The following ENOX1 variants were observed in gnomAD, a reference collection of about 807,000 sequenced individuals.
ENOX1 encodes candidate growth-related and time keeping constitutive hydroquinone (NADH) oxidase.
Under a neutral mutation model 82.5 loss-of-function variants are expected in ENOX1, and 42 were observed. That is an observed-to-expected ratio of 0.51 (90% CI 0.40 to 0.66). ENOX1 has a LOEUF of 0.66. Ranked by LOEUF, ENOX1 falls within the 30% of genes least tolerant of loss-of-function variation. ENOX1 has a pLI of 0.00. For synonymous variants in ENOX1, 271 were observed against 282.2 expected (o/e 0.96, Z 0.40); for missense variants, 608 against 811.6 (o/e 0.75, Z 3.05).
chr13:43,371,627 T>G (rs2051251081), intron 5 of ENOX1, among the ~76,000 whole-genome samples: 2 of 152,240 alleles, frequency 1.3e-5, no homozygotes, highest in African/African-American at 4.8e-5. Context: ...CAAAGGCATG[T>G]GAGAGATAGG....
intron 12 of ENOX1, among the ~76,000 whole-genome samples, chr13:43,279,293 T>A (rs185018867): frequency 1.8e-4 from 27 of 152,286 alleles, no homozygotes; most frequent in African/African-American, 6.5e-4. Context: ...AAAATGAAGC[T>A]GCATGTCGGC....
chr13:43,252,524 A>C (rs2043516494), intron 14 of ENOX1, among the ~76,000 whole-genome samples: 1 of 152,204 alleles, frequency 6.6e-6, no homozygotes, highest in Non-Finnish European at 1.5e-5. Flanking sequence ...TCTTTCGATA[A>C]AAACATAATT....
At chr13:43,222,049 G>A (rs1163589415) in intron 16 of ENOX1, among the ~76,000 whole-genome samples, 1 of 152,170 alleles carries the variant, frequency 6.6e-6, no homozygotes, top group Non-Finnish European at 1.5e-5. Flanking sequence ...TTCAGAAGAT[G>A]GAGAGCTATC....
chr13:43,358,566 T>C (rs1486796245), intron 7 of ENOX1, among the ~76,000 whole-genome samples: 1 of 152,138 alleles, frequency 6.6e-6, no homozygotes, highest in Non-Finnish European at 1.5e-5. Context: ...GATAGAAAAA[T>C]CCGTCCTTCT....
At chr13:43,595,501 C>A (rs2081428729) in intron 2 of ENOX1, among the ~76,000 whole-genome samples, 1 of 152,116 alleles carries the variant, frequency 6.6e-6, no homozygotes, top group African/African-American at 2.4e-5. Context: ...TCGTTGTTCT[C>A]CATACAGATT....
intron 1 of ENOX1, among the ~76,000 whole-genome samples, chr13:43,717,264 C>T (rs1460399391): frequency 1.3e-5 from 2 of 152,122 alleles, no homozygotes; most frequent in African/African-American, 4.8e-5. Flanking sequence ...TGATCTTCAA[C>T]AAAATCAAAA....
chr13:43,256,383 A>G (rs2043746515), intron 14 of ENOX1, among the ~76,000 whole-genome samples: 1 of 152,208 alleles, frequency 6.6e-6, no homozygotes, highest in Non-Finnish European at 1.5e-5. Context: ...AGAATGGGAG[A>G]AAATATTTGC....
chr13:43,416,258 G>A (rs2054533360), intron 3 of ENOX1, among the ~76,000 whole-genome samples: 3 of 135,954 alleles, frequency 2.2e-5, no homozygotes, highest in African/African-American at 2.8e-5. Context: ...GGGCAGAGGT[G>A]CTCCCCATCT....
chr13:43,306,171 G>A (rs1408598584), intron 11 of ENOX1, among the ~76,000 whole-genome samples: 1 of 152,178 alleles, frequency 6.6e-6, no homozygotes, highest in Non-Finnish European at 1.5e-5. Flanking sequence ...TTGAAAAGCT[G>A]AAGGAAAGCA....
intron 2 of ENOX1, among the ~76,000 whole-genome samples, chr13:43,486,276 C>T (rs868543678): frequency 2.6e-5 from 4 of 151,840 alleles, no homozygotes; most frequent in Admixed American, 6.6e-5. Flanking sequence ...CCTGGCTACT[C>T]GGGAGGCTGA....
intron 2 of ENOX1, among the ~76,000 whole-genome samples, chr13:43,521,463 T>C (rs2077765702): frequency 6.6e-6 from 1 of 152,192 alleles, no homozygotes; most frequent in Non-Finnish European, 1.5e-5. Flanking sequence ...ATTCCCGCTC[T>C]CATCAAGGGG....
At chr13:43,244,073 C>G (rs1012476811) in intron 14 of ENOX1, among the ~76,000 whole-genome samples, 5 of 151,322 alleles carry the variant, frequency 3.3e-5, no homozygotes, top group Admixed American at 1.3e-4. Flanking sequence ...GTAATCACAT[C>G]TAAGCAAGTG....
intron 2 of ENOX1, among the ~76,000 whole-genome samples, chr13:43,652,579 GACT>G (rs2084244389): frequency 6.6e-6 from 1 of 152,184 alleles, no homozygotes; most frequent in Non-Finnish European, 1.5e-5. Context: ...GGAGGAGGGT[GACT>G]AAGTCATGAA....
At chr13:43,473,226 T>C (rs555779355) in intron 3 of ENOX1, among the ~76,000 whole-genome samples, 2 of 152,326 alleles carry the variant, frequency 1.3e-5, no homozygotes, top group East Asian at 1.9e-4. Context: ...CTTTGGCTTG[T>C]TGAATATATA....
intron 2 of ENOX1, among the ~76,000 whole-genome samples, chr13:43,630,512 G>A (rs2083159608): frequency 6.6e-6 from 1 of 151,986 alleles, no homozygotes; most frequent in Non-Finnish European, 1.5e-5. Context: ...TCCCCAGAAG[G>A]GTTTTTGTTG....
chr13:43,713,645 G>A (rs1209784683), intron 1 of ENOX1, among the ~76,000 whole-genome samples: 2 of 152,116 alleles, frequency 1.3e-5, no homozygotes, highest in African/African-American at 4.8e-5. Flanking sequence ...GTCTTGGGAG[G>A]GTGTATTTGT....
At chr13:43,610,689 T>C (rs2082162548) in intron 2 of ENOX1, among the ~76,000 whole-genome samples, 1 of 152,076 alleles carries the variant, frequency 6.6e-6, no homozygotes, top group Non-Finnish European at 1.5e-5. Context: ...GGTTACAAAG[T>C]TACAAAATAG....
intron 2 of ENOX1, among the ~76,000 whole-genome samples, chr13:43,644,018 A>C (rs576803685): frequency 1.2e-4 from 18 of 152,300 alleles, no homozygotes; most frequent in African/African-American, 4.1e-4. Context: ...TTTTCACTGG[A>C]GAGATTAATT....
intron 15 of ENOX1, among the ~76,000 whole-genome samples, chr13:43,227,007 C>T (rs926300400): frequency 1.3e-4 from 19 of 150,710 alleles, no homozygotes; most frequent in Admixed American, 1.2e-3. Context: ...AATATTCCCC[C>T]TGGCCAGAGA....
Sources: allele counts gnomAD v4.1 joint callset (sites outside exome capture counted in the v4.1 genomes callset), GRCh38; gene constraint gnomAD v4.1.1; transcripts MANE v1.5; gene names NCBI Gene and HGNC (gene_info 2026-07-23, HGNC 2026-07-21).